Variants in DPP10 observed in about 807,000 individuals in gnomAD.
The protein encoded by DPP10 is dipeptidyl peptidase like 10, also known as inactive dipeptidyl peptidase 10.
DPP10 carries 33 observed loss-of-function variants against 120.9 expected under a neutral mutation model. The ratio of observed to expected loss-of-function variants is 0.27; its 90% confidence interval spans 0.21 to 0.37. DPP10 has a LOEUF of 0.37. Among genes scored for constraint, DPP10 ranks in the 10% least tolerant of loss-of-function variants. The pLI, the probability that DPP10 is intolerant of heterozygous loss-of-function variation, is 1.00. For missense variants in DPP10, 816 were observed against 942.8 expected, an observed-to-expected ratio of 0.87 and a Z score of 1.76; for synonymous variants, 337 against 326.1, an observed-to-expected ratio of 1.03 and a Z score of -0.36.
intron 1 of DPP10, among the ~76,000 whole-genome samples, chr2:114,575,545 A>T (rs1467201770): frequency 6.6e-6 from 1 of 152,196 alleles, no homozygotes; most frequent in Non-Finnish European, 1.5e-5. Context: ...ATAGGGAAGT[A>T]ATTTCTCCTG....
chr2:114,682,146 G>GCTGTCT (rs919999376), intron 1 of DPP10, among the ~76,000 whole-genome samples: 2 of 151,910 alleles, frequency 1.3e-5, no homozygotes, highest in South Asian at 2.1e-4. Context: ...ACAGATTGGT[G>GCTGTCT]CTGTCTCTGT....
intron 2 of DPP10, among the ~76,000 whole-genome samples, chr2:115,341,707 C>T (rs2063455471): frequency 6.6e-6 from 1 of 152,098 alleles, no homozygotes; most frequent in Non-Finnish European, 1.5e-5. Context: ...TACTATGTAG[C>T]CTTTTCTTAC....
chr2:115,835,010 C>G (rs1387152673), intron 21 of DPP10, among the ~76,000 whole-genome samples: 1 of 151,738 alleles, frequency 6.6e-6, no homozygotes. Flanking sequence ...GGCGTGAACC[C>G]GGGGGGCGGA....
chr2:114,922,559 G>A (rs1172904442), intron 1 of DPP10, among the ~76,000 whole-genome samples: 6 of 152,068 alleles, frequency 3.9e-5, no homozygotes, highest in Non-Finnish European at 7.4e-5. Flanking sequence ...TGATCCACCC[G>A]CCTCGGTCTC....
chr2:115,755,783 T>C (rs1415730509), intron 11 of DPP10, among the ~76,000 whole-genome samples: 1 of 151,994 alleles, frequency 6.6e-6, no homozygotes, highest in Non-Finnish European at 1.5e-5. Flanking sequence ...GTATATGAAA[T>C]ACACACCTGC....
intron 1 of DPP10, among the ~76,000 whole-genome samples, chr2:114,477,968 T>C (rs13023386): frequency 0.031 from 2,007 of 63,760 alleles, 10 homozygotes; most frequent in East Asian, 0.054. Context: ...TGTATATGTA[T>C]ATATGTGTAT....
At position 114,648,983 on chromosome 2, in the gene DPP10, T is replaced by C. The variant is rs557002062; in HGVS notation, c.60+206145T>C. Among the ~76,000 whole-genome samples the C allele has an allele frequency of 2.0e-5, 3 of 152,292 alleles. No homozygotes were observed. In the South Asian group the frequency reaches 6.2e-4, roughly 32 times the overall value. The stretch of plus-strand genomic sequence containing the variant: ...TGATCCTTCTCATGAGGTTTAAGGG[T>C]GGAAAAGCACAACTAACGTGGGCAT... On this transcript the variant is annotated intron_variant, in intron 1 of 25. Coordinates refer to ENST00000410059, the MANE Select transcript of DPP10 (RefSeq NM_020868.6).
At chr2:114,920,515 T>C (rs1219078107) in intron 1 of DPP10, among the ~76,000 whole-genome samples, 3 of 152,238 alleles carry the variant, frequency 2.0e-5, no homozygotes, top group Admixed American at 2.0e-4. Flanking sequence ...AATTAACTAG[T>C]GGAGGAGTCA....
chr2:114,856,296 A>G (rs1220679226), intron 1 of DPP10, among the ~76,000 whole-genome samples: 1 of 152,158 alleles, frequency 6.6e-6, no homozygotes, highest in Non-Finnish European at 1.5e-5. Context: ...AATTCTCATA[A>G]GATATAAGTA....
chr2:115,051,833 C>T (rs1043001917), intron 1 of DPP10, among the ~76,000 whole-genome samples: 1 of 9,512 alleles, frequency 1.1e-4, no homozygotes, highest in African/African-American at 1.2e-4. Context: ...CAAATGTTCT[C>T]ATAACCAAAA....
chr2:115,802,140 C>A (rs1225035164), intron 19 of DPP10, among the ~76,000 whole-genome samples: 1 of 152,184 alleles, frequency 6.6e-6, no homozygotes, highest in Non-Finnish European at 1.5e-5. Context: ...AGAGATTCAA[C>A]TTCTTCCTGG....
At chr2:115,468,701 GA>G in intron 3 of DPP10, 1 of 363,578 alleles carries the variant, frequency 2.8e-6, no homozygotes, top group South Asian at 2.2e-5. Flanking sequence ...GGCTGCTACT[GA>G]AAAAGCTATG....
intron 1 of DPP10, among the ~76,000 whole-genome samples, chr2:115,231,395 C>A (rs895230681): frequency 1.3e-5 from 2 of 152,084 alleles, no homozygotes; most frequent in African/African-American, 2.4e-5. Context: ...GCATCCCTTA[C>A]ATTTTGCTAT....
chr2:114,652,988 AAGAG>A (rs138466082), intron 1 of DPP10, among the ~76,000 whole-genome samples: 27,863 of 132,982 alleles, frequency 0.21, 2,907 homozygotes, highest in African/African-American at 0.3. Context: ...CTCTCATTGG[AAGAG>A]AGAGAGAGAG....
At chr2:115,102,789 G>A (rs2048757724) in intron 1 of DPP10, among the ~76,000 whole-genome samples, 1 of 150,912 alleles carries the variant, frequency 6.6e-6, no homozygotes, top group Non-Finnish European at 1.5e-5. Context: ...CCTTTTTGCA[G>A]CCGCAGCCAC....
intron 1 of DPP10, among the ~76,000 whole-genome samples, chr2:114,591,784 A>C (rs910525239): frequency 1.3e-5 from 2 of 151,676 alleles, no homozygotes; most frequent in African/African-American, 2.4e-5. Flanking sequence ...CGAACTCCTG[A>C]CCTCATGATC....
chr2:115,195,215 TC>T (rs2055175201), intron 1 of DPP10, among the ~76,000 whole-genome samples: 1 of 152,306 alleles, frequency 6.6e-6, no homozygotes, highest in East Asian at 1.9e-4. Flanking sequence ...TCAAGATAGT[TC>T]TTTTAAGATC....
intron 1 of DPP10, among the ~76,000 whole-genome samples, chr2:114,666,193 T>C (rs1026738090): frequency 6.6e-6 from 1 of 152,212 alleles, no homozygotes; most frequent in African/African-American, 2.4e-5. Context: ...GCTAGGTACA[T>C]AGTAGTCATT....
chr2:114,777,887 C>T (rs1323781798), intron 1 of DPP10, among the ~76,000 whole-genome samples: 3 of 151,998 alleles, frequency 2.0e-5, no homozygotes, highest in African/African-American at 4.8e-5. Flanking sequence ...AGACTCATAT[C>T]CGCAATTTTA....
Sources: allele counts gnomAD v4.1 joint callset (sites outside exome capture counted in the v4.1 genomes callset), GRCh38; gene constraint gnomAD v4.1.1; transcripts MANE v1.5; gene names NCBI Gene and HGNC (gene_info 2026-07-23, HGNC 2026-07-21).